Variants in FSTL5 observed in about 807,000 individuals in gnomAD.
FSTL5 encodes the protein follistatin like 5.
FSTL5 carries 62 observed loss-of-function variants against 89.1 expected under a neutral mutation model. The ratio of observed to expected loss-of-function variants is 0.70; its 90% confidence interval spans 0.57 to 0.86. The LOEUF (loss-of-function observed/expected upper bound fraction) is 0.86. Among genes scored for constraint, FSTL5 ranks in the 40% least tolerant of loss-of-function variants. The probability of loss-of-function intolerance (pLI) is 0.00; values close to 1 mark genes in which losing one functional copy is unlikely to be tolerated. For missense variants in FSTL5, 1,057 were observed against 1,001.6 expected (o/e 1.06, Z -0.75); for synonymous variants, 383 against 346.2 (o/e 1.11, Z -1.18).
In FSTL5 at chr4:161,632,767, A is replaced by G. The variant is rs373792943; in HGVS notation, c.894+23561T>C. On this transcript the variant is annotated intron_variant, in intron 7 of 15. Coordinates refer to ENST00000306100, the MANE Select transcript of FSTL5 (RefSeq NM_020116.5). ...ATACACTATTTCTAATTTGCTTACAAGTTGATTTGTTAGTATTTTCATTAA... is the reference window on the plus strand; with the variant it reads ...ATACACTATTTCTAATTTGCTTACAGGTTGATTTGTTAGTATTTTCATTAA... Among the ~76,000 whole-genome samples the G allele has an allele frequency of 1.3e-4, 20 of 152,206 alleles. No individual in the cohort carries two copies. The East Asian group carries it at 1.7e-3, about 13-fold the overall frequency.
intron 3 of FSTL5, among the ~76,000 whole-genome samples, chr4:161,984,838 A>C (rs894392095): frequency 5.3e-5 from 8 of 152,158 alleles, no homozygotes; most frequent in Non-Finnish European, 1.2e-4. Flanking sequence ...TGATCAGAAT[A>C]GTTTTTTAAA....
intron 7 of FSTL5, among the ~76,000 whole-genome samples, chr4:161,649,035 T>C (rs533271506): frequency 1.3e-5 from 2 of 152,288 alleles, no homozygotes; most frequent in African/African-American, 4.8e-5. Flanking sequence ...AAAATATAGC[T>C]ACTAGTGTCA....
chr4:162,160,578 A>G (rs926096078), intron 1 of FSTL5, among the ~76,000 whole-genome samples: 2 of 151,782 alleles, frequency 1.3e-5, no homozygotes, highest in Non-Finnish European at 3.0e-5. Flanking sequence ...TACTATGTCA[A>G]TTTTGGGCAA....
chr4:161,842,482 A>G (rs1225300142), intron 4 of FSTL5, among the ~76,000 whole-genome samples: 5 of 152,180 alleles, frequency 3.3e-5, no homozygotes, highest in African/African-American at 1.2e-4. Context: ...ACACTACTTA[A>G]TAATTACCAT....
intron 4 of FSTL5, among the ~76,000 whole-genome samples, chr4:161,902,850 A>G (rs2110800192): frequency 6.6e-6 from 1 of 152,292 alleles, no homozygotes; most frequent in South Asian, 2.1e-4. Flanking sequence ...CTCCATCTCA[A>G]AATAATAACA....
At chr4:161,442,782 A>G (rs1438443232) in intron 15 of FSTL5, among the ~76,000 whole-genome samples, 2 of 152,060 alleles carry the variant, frequency 1.3e-5, no homozygotes, top group African/African-American at 2.4e-5. Context: ...AGAGGATGCA[A>G]TCAAACCAAA....
At chr4:161,576,196 C>G (rs1311430386) in intron 8 of FSTL5, among the ~76,000 whole-genome samples, 3 of 152,148 alleles carry the variant, frequency 2.0e-5, no homozygotes, top group South Asian at 2.1e-4. Context: ...AAAAACATTC[C>G]ATGCTCATAG....
At chr4:161,862,115 A>C (rs1174794791) in intron 4 of FSTL5, among the ~76,000 whole-genome samples, 2 of 152,228 alleles carry the variant, frequency 1.3e-5, no homozygotes, top group African/African-American at 4.8e-5. Flanking sequence ...GTATTTATAG[A>C]TAAAGTGTCT....
intron 4 of FSTL5, among the ~76,000 whole-genome samples, chr4:161,865,045 A>G (rs555440025): frequency 6.6e-5 from 10 of 152,166 alleles, no homozygotes; most frequent in African/African-American, 2.4e-4. Flanking sequence ...AGAAAAGCAG[A>G]GTGATAAAAA....
intron 10 of FSTL5, among the ~76,000 whole-genome samples, chr4:161,516,473 T>C (rs959852103): frequency 6.8e-6 from 1 of 147,720 alleles, no homozygotes; most frequent in Non-Finnish European, 1.5e-5. Flanking sequence ...ACACTAAGTA[T>C]ATATGTATAG....
At chr4:161,786,102 C>T (rs1741895486) in intron 4 of FSTL5, among the ~76,000 whole-genome samples, 1 of 151,990 alleles carries the variant, frequency 6.6e-6, no homozygotes, top group African/African-American at 2.4e-5. Context: ...TTGTCTTTAT[C>T]AGATTTAACA....
At chr4:162,025,730 T>G (rs1737254500) in intron 3 of FSTL5, among the ~76,000 whole-genome samples, 1 of 152,002 alleles carries the variant, frequency 6.6e-6, no homozygotes, top group Admixed American at 6.6e-5. Flanking sequence ...ATCTTATAAT[T>G]ATTTAAAAGG....
intron 12 of FSTL5, among the ~76,000 whole-genome samples, chr4:161,495,941 T>C (rs1379136048): frequency 6.6e-6 from 1 of 152,146 alleles, no homozygotes; most frequent in African/African-American, 2.4e-5. Flanking sequence ...CAGGAACTTT[T>C]CACTGTGTAA....
intron 4 of FSTL5, among the ~76,000 whole-genome samples, chr4:161,906,445 A>T (rs1733531419): frequency 6.6e-6 from 1 of 152,072 alleles, no homozygotes; most frequent in African/African-American, 2.4e-5. Context: ...GCTGCTTTTT[A>T]TGCGCTTAAC....
intron 3 of FSTL5, among the ~76,000 whole-genome samples, chr4:161,977,925 C>T (rs143910703): frequency 1.4e-4 from 21 of 152,178 alleles, no homozygotes; most frequent in Admixed American, 2.6e-4. Context: ...TATATTACCA[C>T]AAGAAATTAC....
rs1447021300 is a variant in FSTL5 at position 161,615,149 on chromosome 4, C to A, written c.895-27574G>T. Among the ~76,000 whole-genome samples the A allele has an allele frequency of 3.3e-5, 5 of 151,872 alleles. No homozygotes were observed. In the East Asian group the frequency reaches 5.8e-4, roughly 18 times the overall value. On this transcript the variant is annotated intron_variant, in intron 7 of 15. Coordinates refer to ENST00000306100, the MANE Select transcript of FSTL5 (RefSeq NM_020116.5). ...CTCTACTAAAAATACAAAAAATTAG[C>A]CGGGTGTGGAAGCGGGCGCCTGTAG... is the stretch of plus-strand genomic sequence containing the variant.
chr4:162,021,584 A>G (rs1262684322), intron 3 of FSTL5, among the ~76,000 whole-genome samples: 1 of 152,172 alleles, frequency 6.6e-6, no homozygotes, highest in African/African-American at 2.4e-5. Flanking sequence ...ATCATAACCA[A>G]TAGAATACTA....
At chr4:161,466,701 C>T (rs1172548094) in intron 13 of FSTL5, among the ~76,000 whole-genome samples, 3 of 151,950 alleles carry the variant, frequency 2.0e-5, no homozygotes, top group Non-Finnish European at 4.4e-5. Context: ...CTTACAAAAA[C>T]TTTGATGGTG....
intron 2 of FSTL5, among the ~76,000 whole-genome samples, chr4:162,041,202 T>TAA (rs5863513): frequency 1.3e-4 from 13 of 97,758 alleles, no homozygotes; most frequent in African/African-American, 3.9e-4. Flanking sequence ...GATGAGATGG[T>TAA]AAAAAAAAAA....
Sources: gnomAD v4.1 joint callset for allele counts (sites outside exome capture counted in the v4.1 genomes callset) on GRCh38, gnomAD v4.1.1 for gene constraint, MANE v1.5 for transcripts, NCBI Gene and HGNC (gene_info 2026-07-23, HGNC 2026-07-21) for gene names.